CIMAP2: variants seen among roughly 807,000 people sequenced by gnomAD.
CIMAP2 encodes ciliary microtubule associated protein 2, also known as ciliary microtubule-associated protein 2.
chr1:54,807,063 A>G, the CIMAP2 span: 3 of 1,613,934 alleles, frequency 1.9e-6, no homozygotes, highest in South Asian at 1.1e-5. Context: ...CCCATACTCC[A>G]CGCGTTATTC....
the CIMAP2 span, among the ~76,000 whole-genome samples, chr1:54,818,160 C>G: frequency 6.6e-6 from 1 of 152,266 alleles, no homozygotes; most frequent in Admixed American, 6.5e-5. Context: ...TCTCTTTGTA[C>G]TTCCTGTTCT....
chr1:54,813,840 T>A, the CIMAP2 span: 1 of 1,609,828 alleles, frequency 6.2e-7, no homozygotes, highest in South Asian at 1.1e-5. Flanking sequence ...AACTGATGAA[T>A]TTCAAGAGCT....
the CIMAP2 span, among the ~76,000 whole-genome samples, chr1:54,833,625 T>C: frequency 6.6e-6 from 1 of 152,178 alleles, no homozygotes; most frequent in African/African-American, 2.4e-5. Flanking sequence ...GAGCTGTGTA[T>C]ACAGTAGGTG....
chr1:54,807,740 G>A, the CIMAP2 span: 2 of 1,538,726 alleles, frequency 1.3e-6, no homozygotes, highest in Admixed American at 2.1e-5. Context: ...AGGTCTTCCT[G>A]TCCATTGCAG....
At chr1:54,812,268 CA>C in the CIMAP2 span, 1 of 1,572,598 alleles carries the variant, frequency 6.4e-7, no homozygotes, top group Non-Finnish European at 8.7e-7. Context: ...CCAGGAACAC[CA>C]GCCTGTGTGC....
chr1:54,814,098 G>A, the CIMAP2 span: 3 of 1,249,884 alleles, frequency 2.4e-6, no homozygotes, highest in South Asian at 5.4e-5. Flanking sequence ...GACTGACTTG[G>A]TTTCCAATCC....
At chr1:54,807,437 CG>C in the CIMAP2 span, 82 of 1,402,616 alleles carry the variant, frequency 5.8e-5, no homozygotes, top group African/African-American at 1.1e-3. Context: ...TCCCTTCCTC[CG>C]GGTCAGGGTG....
chr1:54,841,999 G>C, the CIMAP2 span: 2 of 978,732 alleles, frequency 2.0e-6, no homozygotes, highest in Non-Finnish European at 1.5e-6. Flanking sequence ...TTGGGAGAGG[G>C]GAGAGATGTA....
At chr1:54,825,979 C>T in the CIMAP2 span, among the ~76,000 whole-genome samples, 157 of 152,258 alleles carry the variant, frequency 1.0e-3, no homozygotes, top group African/African-American at 3.5e-3. Flanking sequence ...CACTAGTCTA[C>T]GCCAAGGTCC....
At chr1:54,816,956 T>C in the CIMAP2 span, 13 of 1,613,298 alleles carry the variant, frequency 8.1e-6, no homozygotes, top group Non-Finnish European at 1.0e-5. Flanking sequence ...AAGCCAGGCT[T>C]GCTAATGTCC....
the CIMAP2 span, among the ~76,000 whole-genome samples, chr1:54,840,622 G>A: frequency 6.6e-6 from 1 of 152,148 alleles, no homozygotes; most frequent in Non-Finnish European, 1.5e-5. Context: ...GGGTCTAAAG[G>A]TTTGGCATCC....
the CIMAP2 span, chr1:54,841,787 C>T: frequency 6.3e-7 from 1 of 1,596,872 alleles, no homozygotes; most frequent in East Asian, 2.2e-5. Flanking sequence ...TTAATTTTTT[C>T]TGTCTTTTTA....
chr1:54,840,590 A>T, the CIMAP2 span, among the ~76,000 whole-genome samples: 1 of 151,940 alleles, frequency 6.6e-6, no homozygotes, highest in African/African-American at 2.4e-5. Context: ...TCCATTTTGC[A>T]CTCCCACCAG....
the CIMAP2 span, chr1:54,811,765 G>GCCGGGCGGGGGGC: frequency 7.7e-7 from 1 of 1,301,332 alleles, no homozygotes; most frequent in Non-Finnish European, 1.1e-6. Flanking sequence ...GGTTCTGACA[G>GCCGGGCGGGGGGC]CCTCCATGCC....
the CIMAP2 span, chr1:54,816,936 C>T: frequency 6.2e-7 from 1 of 1,607,112 alleles, no homozygotes; most frequent in Non-Finnish European, 8.5e-7. Flanking sequence ...GAAGCCGAGA[C>T]ACAGTCTCCA....
chr1:54,820,266 C>T, the CIMAP2 span, among the ~76,000 whole-genome samples: 3 of 151,732 alleles, frequency 2.0e-5, no homozygotes, highest in Non-Finnish European at 4.4e-5. Context: ...TTCTCAGGCT[C>T]AAGCAATTCC....
the CIMAP2 span, among the ~76,000 whole-genome samples, chr1:54,822,119 C>T: frequency 1.4e-4 from 15 of 106,294 alleles, 2 homozygotes; most frequent in East Asian, 3.7e-4. Flanking sequence ...GGGATGGTCT[C>T]GATCTTCTGA....
chr1:54,806,248 C>T, the CIMAP2 span: 3 of 1,491,262 alleles, frequency 2.0e-6, no homozygotes, highest in Non-Finnish European at 2.7e-6. Flanking sequence ...CCTGGGCTCA[C>T]GCCCACGGTC....
At chr1:54,819,044 T>C in the CIMAP2 span, among the ~76,000 whole-genome samples, 1 of 152,308 alleles carries the variant, frequency 6.6e-6, no homozygotes, top group Non-Finnish European at 1.5e-5. Context: ...GTGAGTCTGG[T>C]TGGGGCCTGT....
Sources: allele counts gnomAD v4.1 joint callset (sites outside exome capture counted in the v4.1 genomes callset), GRCh38; gene constraint gnomAD v4.1.1; transcripts MANE v1.5; gene names NCBI Gene and HGNC (gene_info 2026-07-23, HGNC 2026-07-21).